The following HEATR5A variants were observed in gnomAD, a reference collection of about 807,000 sequenced individuals.
HEATR5A encodes HEAT repeat-containing protein 5A.
Under a neutral mutation model 218.8 loss-of-function variants are expected in HEATR5A, and 178 were observed. That is an observed-to-expected ratio of 0.81 (90% CI 0.72 to 0.92). The LOEUF (loss-of-function observed/expected upper bound fraction) is 0.92, where lower values mean the gene tolerates loss of function less well. Ranked by LOEUF, HEATR5A falls within the 40% of genes least tolerant of loss-of-function variation. The pLI is 0.00. For missense variants in HEATR5A, 2,420 were observed against 2,418.9 expected (o/e 1.00, Z -0.01); for synonymous variants, 864 against 871.6 (o/e 0.99, Z 0.15).
rs138057133 is a variant in HEATR5A at position 31,399,568 on chromosome 14, G to A, written c.338+733C>T. Among the ~76,000 whole-genome samples, 4 of 152,354 alleles carry A rather than the reference G, an allele frequency of 2.6e-5. No homozygotes were observed. In the East Asian group the frequency reaches 5.8e-4, roughly 22 times the overall value. ...ATGGTGGCCAGGTGCAATGGCTCAT[G>A]CCTGTAATCCCAATACTTTGGGAGG... is the stretch of plus-strand genomic sequence containing the variant. On this transcript the variant is annotated intron_variant, in intron 3 of 35. Coordinates refer to ENST00000543095, the MANE Select transcript of HEATR5A (RefSeq NM_015473.4).
chr14:31,380,032 T>G (rs2029919097), intron 11 of HEATR5A, among the ~76,000 whole-genome samples: 1 of 152,222 alleles, frequency 6.6e-6, no homozygotes, highest in Non-Finnish European at 1.5e-5. Flanking sequence ...TTAAGTAAAA[T>G]TCATCCCCTT....
intron 3 of HEATR5A, 49 bp downstream of exon 3, chr14:31,400,251 CA>C (rs2030821361): frequency 1.8e-5 from 22 of 1,239,822 alleles, no homozygotes; most frequent in Non-Finnish European, 2.4e-5. Context: ...CATAAAAATA[CA>C]ACAGGAAGCA....
At chr14:31,330,976 T>C (rs1334182954) in intron 22 of HEATR5A, among the ~76,000 whole-genome samples, 2 of 142,048 alleles carry the variant, frequency 1.4e-5, no homozygotes, top group African/African-American at 2.7e-5. Context: ...GAGTCTCACT[T>C]TGTCGCCCAG....
chr14:31,310,051 C>T (rs1899688968), intron 28 of HEATR5A, among the ~76,000 whole-genome samples: 1 of 152,030 alleles, frequency 6.6e-6, no homozygotes. Context: ...TAATTCTTGC[C>T]CCTCCTTCCA....
chr14:31,366,843 T>C (rs990716070), intron 13 of HEATR5A, among the ~76,000 whole-genome samples: 3 of 152,228 alleles, frequency 2.0e-5, no homozygotes, highest in East Asian at 1.9e-4. Flanking sequence ...CTTGCACCCA[T>C]GGTAGGGGTG....
intron 31 of HEATR5A, 109 bp downstream of exon 31, chr14:31,306,623 T>A: frequency 8.6e-7 from 1 of 1,168,248 alleles, no homozygotes; most frequent in Non-Finnish European, 1.2e-6. Flanking sequence ...AGACATGTTT[T>A]ATTTGTACCA....
Position 31,370,287 on chromosome 14 carries a change from T to C in HEATR5A, c.1961+1523A>G, listed in dbSNP as rs529810348. Among the ~76,000 whole-genome samples, 6 of 149,308 alleles carry C rather than the reference T, an allele frequency of 4.0e-5. 1 individual carries two copies. Among genetic ancestry groups the C allele is most frequent in the African/African-American group, 1.5e-4 (6 of 40,782 alleles). On this transcript the variant is annotated intron_variant, in intron 13 of 35. Transcript: ENST00000543095. ...ACAAAAAGACAACCTAAAAGAAAAA[T>C]AGGTTAAAGATATGAATGAATAGGC...
chr14:31,365,164 C>G (rs1250984694), intron 13 of HEATR5A, among the ~76,000 whole-genome samples: 1 of 151,618 alleles, frequency 6.6e-6, no homozygotes, highest in African/African-American at 2.4e-5. Context: ...TGAGCCACTG[C>G]ACCCGGCCAG....
At chr14:31,328,013 G>A (rs1319399956) in intron 22 of HEATR5A, among the ~76,000 whole-genome samples, 1 of 152,060 alleles carries the variant, frequency 6.6e-6, no homozygotes, top group Non-Finnish European at 1.5e-5. Context: ...GAGTACAGTG[G>A]CACAATCTCA....
chr14:31,297,643 T>C (rs1899232710), intron 33 of HEATR5A: 1 of 152,100 alleles, frequency 6.6e-6, no homozygotes, highest in Non-Finnish European at 1.5e-5. Context: ...GGATTTATTT[T>C]ATAAAAGACA....
In HEATR5A at chr14:31,388,898, T is replaced by G; in HGVS notation, c.880A>C (p.Met294Leu). 1 of 1,613,936 alleles carries G rather than the reference T, an allele frequency of 6.2e-7. No homozygotes were observed. Among genetic ancestry groups the G allele is most frequent in the Non-Finnish European group, 8.5e-7 (1 of 1,179,842 alleles). Residue 294 changes from methionine (M) to leucine (L), a missense_variant, in exon 7 of 36, where the codon ATG (methionine) becomes CTG (leucine). By Grantham distance (15) the Met-to-Leu change is conservative. Coordinates refer to ENST00000543095, the MANE Select transcript of HEATR5A (RefSeq NM_015473.4). ...CTGACTGAACTGGTTCCTTTCAGCATATCTCCACTGGCTCGAAGGAATCCT... is the reference window on the plus strand; with the variant it reads ...CTGACTGAACTGGTTCCTTTCAGCAGATCTCCACTGGCTCGAAGGAATCCT... ...SSGFLRASGDMLKGTSSVSRD... is the reference protein window; with the variant it reads ...SSGFLRASGDLLKGTSSVSRD...
At chr14:31,311,408 C>T (rs944265995) in intron 28 of HEATR5A, among the ~76,000 whole-genome samples, 2 of 151,948 alleles carry the variant, frequency 1.3e-5, no homozygotes, top group Admixed American at 6.6e-5. Flanking sequence ...TGACTGATTA[C>T]ATTCTTTTAA....
intron 13 of HEATR5A, among the ~76,000 whole-genome samples, chr14:31,366,095 A>T (rs1901792422): frequency 6.6e-6 from 1 of 152,152 alleles, no homozygotes; most frequent in Admixed American, 6.5e-5. Flanking sequence ...GGTAAATACT[A>T]CTTAGCAAAC....
At chr14:31,340,438 T>C (rs1486487063) in intron 21 of HEATR5A, 3 of 1,287,866 alleles carry the variant, frequency 2.3e-6, no homozygotes, top group Non-Finnish European at 3.0e-6. Context: ...GAATCAAGGG[T>C]CAGGGACCTA....
Position 31,369,925 on chromosome 14 carries a change from C to T in HEATR5A, c.1961+1885G>A, listed in dbSNP as rs1901968669. ...CTCCAGCCTGGGTGACAGTGTAAGA[C>T]TCTATCTCAAAAAAAAAAAAAGGCC... On this transcript the variant is annotated intron_variant, in intron 13 of 35. Coordinates refer to ENST00000543095, the MANE Select transcript of HEATR5A (RefSeq NM_015473.4). Among the ~76,000 whole-genome samples the T allele has an allele frequency of 7.7e-5, 7 of 90,478 alleles. No individual in the cohort carries two copies. In the Admixed American group the frequency reaches 7.9e-4, roughly 10 times the overall value. The allele number at this position is 90,478 out of a possible 152,430, so 59.4% of individuals were successfully genotyped here. A position where few individuals can be genotyped will look rare whatever the true frequency, so the allele number is the denominator to read the frequency against.
At chr14:31,364,522 C>T (rs938675895) in intron 13 of HEATR5A, among the ~76,000 whole-genome samples, 31 of 152,112 alleles carry the variant, frequency 2.0e-4, no homozygotes, top group African/African-American at 6.5e-4. Context: ...TGGGCTCAAA[C>T]GATTCTCCCA....
intron 9 of HEATR5A, among the ~76,000 whole-genome samples, chr14:31,384,133 A>G (rs2030107521): frequency 6.6e-6 from 1 of 152,198 alleles, no homozygotes. Context: ...ATCAACAAAT[A>G]ACACCTTGAA....
chr14:31,340,068 C>T (rs1900792710), intron 21 of HEATR5A, among the ~76,000 whole-genome samples: 1 of 152,082 alleles, frequency 6.6e-6, no homozygotes, highest in Admixed American at 6.6e-5. Context: ...AAATGGGAGG[C>T]TTAATGTCTC....
chr14:31,417,810 G>A (rs183927149), intron 1 of HEATR5A, among the ~76,000 whole-genome samples: 45 of 150,962 alleles, frequency 3.0e-4, no homozygotes, highest in Middle Eastern at 3.5e-3. Flanking sequence ...GGTAAATGTA[G>A]CAGAAAAACC....
Sources: allele counts gnomAD v4.1 joint callset (sites outside exome capture counted in the v4.1 genomes callset), GRCh38; gene constraint gnomAD v4.1.1; transcripts MANE v1.5; gene names NCBI Gene and HGNC (gene_info 2026-07-23, HGNC 2026-07-21).